NUBPL: variants seen among roughly 807,000 people sequenced by gnomAD.
NUBPL encodes NUBP iron-sulfur cluster assembly factor, mitochondrial, also known as iron-sulfur cluster transfer protein NUBPL.
In NUBPL, 31 loss-of-function variants were observed where a neutral mutation model predicts 45.7. That is an observed-to-expected ratio of 0.68 (90% CI 0.51 to 0.92). The LOEUF is 0.92. Among genes scored for constraint, NUBPL ranks in the 40% least tolerant of loss-of-function variants. NUBPL has a pLI of 0.00. For missense variants in NUBPL, 401 were observed against 398.7 expected, an observed-to-expected ratio of 1.01 and a Z score of -0.05; for synonymous variants, 144 against 140.9, an observed-to-expected ratio of 1.02 and a Z score of -0.15.
At chr14:31,599,484 T>G in intron 4 of NUBPL, 105 bp downstream of exon 4, 1 of 783,934 alleles carries the variant, frequency 1.3e-6, no homozygotes, top group Admixed American at 2.1e-5. Context: ...ATGCACAATG[T>G]AGTGTAAGTC....
chr14:31,793,830 T>TTTC (rs1555338721), intron 7 of NUBPL, among the ~76,000 whole-genome samples: 3 of 131,630 alleles, frequency 2.3e-5, no homozygotes, highest in Admixed American at 7.0e-5. Context: ...TTATCTTTCT[T>TTTC]TTTTTTTTTT....
At chr14:31,798,235 G>T (rs1382061688) in intron 7 of NUBPL, among the ~76,000 whole-genome samples, 1 of 151,366 alleles carries the variant, frequency 6.6e-6, no homozygotes, top group East Asian at 1.9e-4. Flanking sequence ...CATTTTTCAA[G>T]GAAACGTGCA....
Position 31,757,022 on chromosome 14 carries a change from G to A in NUBPL, c.514-30758G>A, listed in dbSNP as rs563307076. Among the ~76,000 whole-genome samples the A allele has an allele frequency of 6.5e-3, 991 of 151,974 alleles. 11 individuals carry two copies. Among genetic ancestry groups the A allele is most frequent in the African/African-American group, 0.022 (928 of 41,448 alleles). On this transcript the variant is annotated intron_variant, in intron 6 of 10. Coordinates refer to ENST00000281081, the MANE Select transcript of NUBPL (RefSeq NM_025152.3). The stretch of plus-strand genomic sequence containing the variant: ...TTACATTTATTAATTTGCATATATT[G>A]AACCAGCCTTGCATCCCAGGGATGA...
intron 6 of NUBPL, among the ~76,000 whole-genome samples, chr14:31,732,920 T>C (rs1444705108): frequency 6.6e-6 from 1 of 151,912 alleles, no homozygotes; most frequent in East Asian, 1.9e-4. Context: ...GCCTATTCTT[T>C]TATGGTTAGT....
intron 3 of NUBPL, among the ~76,000 whole-genome samples, chr14:31,582,385 A>C (rs967894489): frequency 1.8e-5 from 1 of 55,976 alleles, no homozygotes; most frequent in African/African-American, 6.5e-5. Flanking sequence ...AAATTTGTGT[A>C]CTTTTTTTTT....
At chr14:31,574,305 C>G (rs1018761526) in intron 3 of NUBPL, among the ~76,000 whole-genome samples, 1 of 151,938 alleles carries the variant, frequency 6.6e-6, no homozygotes, top group Non-Finnish European at 1.5e-5. Flanking sequence ...ACTCTGTCAC[C>G]CAGGCTGGAG....
At chr14:31,770,079 C>T (rs1430427) in intron 6 of NUBPL, among the ~76,000 whole-genome samples, 151,887 of 152,288 alleles carry the variant, frequency 1, 75,746 homozygotes, top group Middle Eastern at 1. Flanking sequence ...AATATCTGAA[C>T]CAGAATGTTA....
chr14:31,637,195 G>A (rs1176947575), intron 4 of NUBPL, among the ~76,000 whole-genome samples: 4 of 151,908 alleles, frequency 2.6e-5, no homozygotes, highest in African/African-American at 9.7e-5. Flanking sequence ...TGTCAATTTT[G>A]GATCTTTCCT....
At chr14:31,638,317 G>T (rs1311513494) in intron 4 of NUBPL, among the ~76,000 whole-genome samples, 1 of 151,718 alleles carries the variant, frequency 6.6e-6, no homozygotes, top group South Asian at 2.1e-4. Context: ...TTGCTTGTCT[G>T]TAAAGGATTT....
intron 3 of NUBPL, among the ~76,000 whole-genome samples, chr14:31,591,697 A>G (rs2034147029): frequency 1.3e-5 from 2 of 152,172 alleles, no homozygotes; most frequent in South Asian, 4.1e-4. Context: ...AATATTACTT[A>G]ATTTTGAGCC....
intron 4 of NUBPL, among the ~76,000 whole-genome samples, chr14:31,636,012 A>G (rs200777143): frequency 2.0e-5 from 3 of 152,100 alleles, no homozygotes; most frequent in African/African-American, 4.8e-5. Context: ...GGGTTTTCTA[A>G]ATATACAATC....
intron 7 of NUBPL, among the ~76,000 whole-genome samples, chr14:31,811,561 ACCTCCTCCTGTAGC>A (rs1469421277): frequency 6.6e-6 from 1 of 152,012 alleles, no homozygotes; most frequent in Non-Finnish European, 1.5e-5. Flanking sequence ...ATGGGTTCAA[ACCTCCTCCTGTAGC>A]TCAGAGAAGT....
chr14:31,689,963 C>G (rs1390715054), intron 6 of NUBPL, among the ~76,000 whole-genome samples: 2 of 150,260 alleles, frequency 1.3e-5, no homozygotes, highest in Non-Finnish European at 3.0e-5. Context: ...TGTTAAAGAT[C>G]AGATGGTTGT....
rs573038621 is a variant in NUBPL, at chr14:31,772,185, A to G, written c.514-15595A>G. 1.8e-4 allele frequency among the ~76,000 whole-genome samples: 27 copies of G among 152,292 alleles called. 1 individual carries two copies. The highest frequency in any genetic ancestry group is 5.8e-4 in the African/African-American group (24 of 41,576). On this transcript the variant is annotated intron_variant, in intron 6 of 10. Coordinates refer to ENST00000281081, the MANE Select transcript of NUBPL (RefSeq NM_025152.3). ...TCTTTATTGGAGTGCTACACATCTA[A>G]ATATATTTTATAAGCTATTCCAAAT...
intron 6 of NUBPL, among the ~76,000 whole-genome samples, chr14:31,704,685 C>T (rs2139904271): frequency 6.6e-6 from 1 of 151,772 alleles, no homozygotes; most frequent in South Asian, 2.1e-4. Flanking sequence ...AAGTGTAATC[C>T]TTCTCTCATT....
intron 4 of NUBPL, among the ~76,000 whole-genome samples, chr14:31,601,940 G>A (rs935213463): frequency 6.6e-6 from 1 of 152,170 alleles, no homozygotes; most frequent in African/African-American, 2.4e-5. Flanking sequence ...ACGTGCACAC[G>A]TATGTTTACT....
chr14:31,586,646 AC>A (rs1252659018), intron 3 of NUBPL, among the ~76,000 whole-genome samples: 2 of 152,186 alleles, frequency 1.3e-5, no homozygotes, highest in Admixed American at 1.3e-4. Flanking sequence ...CTCTCACTAG[AC>A]ATTTTCTAGA....
At chr14:31,659,070 G>A (rs1335390826) in intron 4 of NUBPL, among the ~76,000 whole-genome samples, 1 of 152,178 alleles carries the variant, frequency 6.6e-6, no homozygotes, top group Non-Finnish European at 1.5e-5. Context: ...TACATAAGCT[G>A]AGAGAAGGCT....
intron 4 of NUBPL, among the ~76,000 whole-genome samples, chr14:31,640,286 C>A (rs927505594): frequency 6.6e-6 from 1 of 152,052 alleles, no homozygotes; most frequent in Non-Finnish European, 1.5e-5. Flanking sequence ...TTATGCTTAC[C>A]TAACCACCAT....
Sources: allele counts gnomAD v4.1 joint callset (sites outside exome capture counted in the v4.1 genomes callset), GRCh38; gene constraint gnomAD v4.1.1; transcripts MANE v1.5; gene names NCBI Gene and HGNC (gene_info 2026-07-23, HGNC 2026-07-21).